CHST2: variants seen among roughly 807,000 people sequenced by gnomAD.
The protein encoded by CHST2 is carbohydrate sulfotransferase 2, also known as N-acetylglucosamine 6-O-sulfotransferase 1.
In CHST2, 23 loss-of-function variants were observed where a neutral mutation model predicts 34.6. The observed-to-expected ratio is 0.67, with a 90% CI of 0.48 to 0.94. The LOEUF is 0.94. Ranked by LOEUF, CHST2 falls within the 40% of genes least tolerant of loss-of-function variation. CHST2 has a pLI of 0.00. For synonymous variants in CHST2, 392 were observed against 343.1 expected (o/e 1.14, Z -1.58); for missense variants, 720 against 759.5 (o/e 0.95, Z 0.61).
chr3:143,121,644 C>T lies in CHST2; in HGVS notation c.828C>T (p.Asp276=), dbSNP rs773670469. The change falls in exon 2 of 2, where the codon GAC becomes GAT. Residue 276 remains aspartate, a synonymous_variant. Coordinates refer to ENST00000309575, the MANE Select transcript of CHST2 (RefSeq NM_004267.5). ...AYRKEVVGLV[D]DRVCKKCPPQ... ...GCAAGGAGGTCGTGGGGTTGGTGGACGACCGCGTGTGCAAGAAGTGCCCGC... is the reference window on the plus strand; with the variant it reads ...GCAAGGAGGTCGTGGGGTTGGTGGATGACCGCGTGTGCAAGAAGTGCCCGC... 1 of 1,570,432 alleles carries T rather than the reference C, an allele frequency of 6.4e-7. No homozygotes were observed. The highest frequency in any genetic ancestry group is 2.3e-5 in the East Asian group (1 of 43,814).
rs4149494 is a variant in CHST2, at chr3:143,120,704, C to T, written c.-113C>T. ...CTTGGGCGCTGGGGACCAGCCGCCG[C>T]GCCCGCCTCGGAGTCGCGGCCCGAG... is the stretch of plus-strand genomic sequence containing the variant. On this transcript the variant is annotated 5_prime_UTR_variant, in exon 2 of 2. Transcript: ENST00000309575. This position sits in a 1 kb window ranked among gnomAD's most constrained non-coding sequence, Gnocchi z 4.1. The T allele has an allele frequency of 0.25, 258,810 of 1,036,450 alleles. 32,947 individuals are homozygous for T. Among genetic ancestry groups the T allele is most frequent in the East Asian group, 0.35 (8,483 of 23,934 alleles). The allele number at this position is 1,036,450 out of a possible 1,614,324, so 64.2% of individuals were successfully genotyped here.
In CHST2 at chr3:143,119,851, CGCG is replaced by C. The variant is rs959103035; in HGVS notation, c.-852_-850del. On this transcript the variant is annotated 5_prime_UTR_variant, in exon 1 of 2. Coordinates refer to ENST00000309575, the MANE Select transcript of CHST2 (RefSeq NM_004267.5). ...AGCATCCTCCTGGGCGCCGCTTTCG[CGCG>C]GCGGCGGCGGCTGCGGCGGGGTCTT... 1.7e-4 allele frequency: 25 copies of C among 146,602 alleles called. No homozygotes were observed. The highest frequency in any genetic ancestry group is 6.5e-4 in the South Asian group (3 of 4,582). The allele number at this position is 146,602 out of a possible 1,614,324, so 9.1% of individuals were successfully genotyped here.
rs1199044509 is a variant in CHST2, at chr3:143,121,094, G to C, written c.278G>C (p.Gly93Ala). ...LQQCNPDGPL[G>A]AAAGAAGGSW... ...CAGTGCAACCCCGATGGGCCGCTGGGTGCCGCAGCGGGGGCAGCCGGAGGC... is the reference window on the plus strand; with the variant it reads ...CAGTGCAACCCCGATGGGCCGCTGGCTGCCGCAGCGGGGGCAGCCGGAGGC... The change falls in exon 2 of 2, where the codon GGT becomes GCT. Residue 93 changes from glycine to alanine, a missense_variant. By Grantham distance (60) the Gly-to-Ala change is moderately conservative. Coordinates refer to ENST00000309575, the MANE Select transcript of CHST2 (RefSeq NM_004267.5). 1.3e-6 allele frequency: 2 copies of C among 1,500,126 alleles called. No individual in the cohort carries two copies. The highest frequency in any genetic ancestry group is 2.3e-5 in the Admixed American group (1 of 43,688). The allele number at this position is 1,500,126 out of a possible 1,614,324, so 92.9% of individuals were successfully genotyped here.
rs1280595627 is a variant in CHST2, at chr3:143,120,568, A to T, written c.-174+27A>T. The T allele has an allele frequency of 3.9e-6, 1 of 254,980 alleles. No homozygotes were observed. Among genetic ancestry groups the T allele is most frequent in the East Asian group, 7.7e-5 (1 of 13,018 alleles). The allele number at this position is 254,980 out of a possible 1,614,324, so 15.8% of individuals were successfully genotyped here. A position where few individuals can be genotyped will look rare whatever the true frequency, so the allele number is the denominator to read the frequency against. Reference sequence around the variant, plus strand: ...TGAGCGGAGGAACCGGGCAGAACCGAGGGTGGGCGTTACTTAGGAGGAGGA... The same window carrying T: ...TGAGCGGAGGAACCGGGCAGAACCGTGGGTGGGCGTTACTTAGGAGGAGGA... On this transcript the variant is annotated intron_variant, in intron 1 of 1. Coordinates refer to ENST00000309575, the MANE Select transcript of CHST2 (RefSeq NM_004267.5). The surrounding 1 kb of genome is among the most constrained non-coding windows in gnomAD (Gnocchi z 4.1).
In CHST2 at chr3:143,122,092, G is replaced by A. The variant is rs915507408; in HGVS notation, c.1276G>A (p.Glu426Lys). The change falls in exon 2 of 2, where the codon GAG (glutamate) becomes AAG (lysine). Residue 426 changes from glutamate to lysine, a missense_variant. Glu to Lys is a moderately conservative substitution (Grantham distance 56, BLOSUM62 1). Around this residue, in one of 4 missense-constraint regions of CHST2, gnomAD observed 224 missense variants for 227.8 expected, o/e 0.98. Transcript: ENST00000309575. ...LQGHYLVVRYEDLVGDPVKTL... is the reference protein window; with the variant it reads ...LQGHYLVVRYKDLVGDPVKTL... ...GGGCCACTACCTGGTGGTGCGGTAC[G>A]AGGACCTGGTGGGAGACCCCGTCAA... The A allele has an allele frequency of 6.2e-7, 1 of 1,614,160 alleles. No homozygotes were observed. Among genetic ancestry groups the A allele is most frequent in the Non-Finnish European group, 8.5e-7 (1 of 1,180,016 alleles).
At position 143,120,558 on chromosome 3, in the gene CHST2, G is replaced by A; in HGVS notation, c.-174+17G>A. 1 of 246,002 alleles carries A rather than the reference G, an allele frequency of 4.1e-6. No individual in the cohort carries two copies. Among genetic ancestry groups the A allele is most frequent in the Non-Finnish European group, 7.6e-6 (1 of 131,304 alleles). The allele number at this position is 246,002 out of a possible 1,614,324, so 15.2% of individuals were successfully genotyped here. On this transcript the variant is annotated intron_variant, in intron 1 of 1. Coordinates refer to ENST00000309575, the MANE Select transcript of CHST2 (RefSeq NM_004267.5). The surrounding 1 kb of genome is among the most constrained non-coding windows in gnomAD (Gnocchi z 4.1). ...CGGCTCCAGGTGAGCGGAGGAACCG[G>A]GCAGAACCGAGGGTGGGCGTTACTT...
chr3:143,121,383 G>A lies in CHST2; in HGVS notation c.567G>A (p.Glu189=), dbSNP rs896691900. 1.2e-6 allele frequency: 2 copies of A among 1,613,764 alleles called. No individual in the cohort carries two copies. The highest frequency in any genetic ancestry group is 1.7e-6 in the Non-Finnish European group (2 of 1,180,016). ...GCGAGCTATTCAACCAGAATCCCGA[G>A]GTGTTCTTTCTCTACGAGCCAGTGT... is the stretch of plus-strand genomic sequence containing the variant. ...FFGELFNQNP[E]VFFLYEPVWH... The change falls in exon 2 of 2, where the codon GAG becomes GAA. Residue 189 remains glutamate (E), a synonymous_variant. Transcript: ENST00000309575.
Position 143,123,475 on chromosome 3 carries a change from G to A in CHST2, c.*1066G>A, listed in dbSNP as rs567635845. Reference sequence around the variant, plus strand: ...TACTGCTGGCGATGGTAGCAGCTTCGTTGGTTTAGCAAAGTGACAGAAGTA... The same window carrying A: ...TACTGCTGGCGATGGTAGCAGCTTCATTGGTTTAGCAAAGTGACAGAAGTA... On this transcript the variant is annotated 3_prime_UTR_variant, in exon 2 of 2. Coordinates refer to ENST00000309575, the MANE Select transcript of CHST2 (RefSeq NM_004267.5). 1.6e-4 allele frequency: 24 copies of A among 152,348 alleles called. No individual in the cohort carries two copies. The highest frequency in any genetic ancestry group is 5.8e-4 in the African/African-American group (24 of 41,590). The allele number at this position is 152,348 out of a possible 1,614,324, so 9.4% of individuals were successfully genotyped here.
rs546741616 is a variant in CHST2 at position 143,121,945 on chromosome 3, G to A, written c.1129G>A (p.Gly377Ser). The change falls in exon 2 of 2, where the codon GGC becomes AGC. Residue 377 changes from glycine to serine, a missense_variant. Gly to Ser is a moderately conservative substitution (Grantham distance 56, BLOSUM62 0). Coordinates refer to ENST00000309575, the MANE Select transcript of CHST2 (RefSeq NM_004267.5). ...CTTGGAGGCCGCGGGCCACAAGCTT[G>A]GCGCCAAGAAGGAGGGCGTGGGCGG... ...PFLEAAGHKL[G>S]AKKEGVGGPA... 16 of 1,580,674 alleles carry A rather than the reference G, an allele frequency of 1.0e-5. No homozygotes were observed. The African/African-American group carries it at 1.8e-4, about 17-fold the overall frequency.
rs1316323524 is a variant in CHST2, at chr3:143,120,942, C to T, written c.126C>T (p.Pro42=). Residue 42 remains proline (P), a synonymous_variant, in exon 2 of 2, where the codon CCC becomes CCT. Coordinates refer to ENST00000309575, the MANE Select transcript of CHST2 (RefSeq NM_004267.5). The surrounding 1 kb of genome is among the most constrained non-coding windows in gnomAD (Gnocchi z 4.1). Reference sequence around the variant, plus strand: ...CCCGGCGCCCAGGACGCCGCTGGCCCGCGTCCCCTCTCGGAATGAAGGTGT... The same window carrying T: ...CCCGGCGCCCAGGACGCCGCTGGCCTGCGTCCCCTCTCGGAATGAAGGTGT... ...QWPRRPGRRW[P]ASPLGMKVFR... The T allele has an allele frequency of 1.3e-6, 2 of 1,532,126 alleles. No homozygotes were observed. The highest frequency in any genetic ancestry group is 1.2e-5 in the South Asian group (1 of 81,716). 94.9% of individuals were successfully genotyped at this position (1,532,126 alleles called of 1,614,324 possible).
In CHST2 at chr3:143,122,189, T is replaced by G; in HGVS notation, c.1373T>G (p.Met458Arg). 1 of 1,614,176 alleles carries G rather than the reference T, an allele frequency of 6.2e-7. No homozygotes were observed. The highest frequency in any genetic ancestry group is 8.5e-7 in the Non-Finnish European group (1 of 1,180,010). Residue 458 changes from methionine to arginine, a missense_variant, in exon 2 of 2, where the codon ATG (methionine) becomes AGG (arginine). This residue lies in a region of CHST2 where 224 missense variants were observed against 227.8 expected (regional missense o/e 0.98). Transcript: ENST00000309575. The part of the protein sequence containing the change: ...SPEMEQFALN[M>R]TSGSGSSSKP... ...GAAATGGAGCAGTTTGCCCTGAACA[T>G]GACCAGTGGCTCGGGCTCCTCCTCC... is the stretch of plus-strand genomic sequence containing the variant.
rs1335975907 is a variant in CHST2 at position 143,121,659 on chromosome 3, G to A, written c.843G>A (p.Lys281=). Residue 281 remains lysine, a synonymous_variant, in exon 2 of 2, where the codon AAG becomes AAA. Coordinates refer to ENST00000309575, the MANE Select transcript of CHST2 (RefSeq NM_004267.5). The stretch of plus-strand genomic sequence containing the variant: ...GGTTGGTGGACGACCGCGTGTGCAA[G>A]AAGTGCCCGCCACAGCGCCTGGCGC... ...VVGLVDDRVC[K]KCPPQRLARF... is the part of the protein sequence containing the mutation. 2 of 1,567,828 alleles carry A rather than the reference G, an allele frequency of 1.3e-6. No homozygotes were observed. Among genetic ancestry groups the A allele is most frequent in the Admixed American group, 1.8e-5 (1 of 55,384 alleles).
Position 143,121,340 on chromosome 3 carries a change from C to G in CHST2, c.524C>G (p.Ser175Cys). 6.2e-7 allele frequency: 1 copy of G among 1,613,596 alleles called. No individual in the cohort carries two copies. The highest frequency in any genetic ancestry group is 8.5e-7 in the Non-Finnish European group (1 of 1,180,018). ...QLVYVFTTWRSGSSFFGELFN... is the reference protein window; with the variant it reads ...QLVYVFTTWRCGSSFFGELFN... ...GTGTACGTGTTCACCACGTGGCGCT[C>G]TGGCTCGTCGTTCTTCGGCGAGCTA... The change falls in exon 2 of 2, where the codon TCT (serine) becomes TGT (cysteine). Residue 175 changes from serine (S) to cysteine (C), a missense_variant. By Grantham distance (112) the Ser-to-Cys change is moderately radical (BLOSUM62 -1). Transcript: ENST00000309575.
chr3:143,120,853 G>C lies in CHST2; in HGVS notation c.37G>C (p.Ala13Pro). The change falls in exon 2 of 2, where the codon GCG becomes CCG. Residue 13 changes from alanine to proline, a missense_variant. Around this residue, in one of 4 missense-constraint regions of CHST2, gnomAD observed 287 missense variants for 242.7 expected, o/e 1.18. Transcript: ENST00000309575. This position sits in a 1 kb window ranked among gnomAD's most constrained non-coding sequence, Gnocchi z 4.1. ...CCCGCAGCGAGCTCTGCCCCCGGGC[G>C]CGCTCCCTCGGCTGCTCCAGGCTGC... is the stretch of plus-strand genomic sequence containing the variant. ...RSPQRALPPG[A>P]LPRLLQAAPA... is the part of the protein sequence containing the mutation. 2 of 1,344,924 alleles carry C rather than the reference G, an allele frequency of 1.5e-6. No homozygotes were observed. The highest frequency in any genetic ancestry group is 1.9e-6 in the Non-Finnish European group (2 of 1,056,342). The allele number at this position is 1,344,924 out of a possible 1,614,324, so 83.3% of individuals were successfully genotyped here.
Position 143,121,890 on chromosome 3 carries a change from C to T in CHST2, c.1074C>T (p.Ser358=), listed in dbSNP as rs1003725102. The change falls in exon 2 of 2, where the codon AGC becomes AGT. Residue 358 remains serine, a synonymous_variant. Transcript: ENST00000309575. ...LIRESLQVVR[S]RDPRAHRMPF... is the part of the protein sequence containing the mutation. ...GTGAGAGCCTACAGGTGGTGCGCAG[C>T]CGAGACCCGCGAGCTCACCGCATGC... is the stretch of plus-strand genomic sequence containing the variant. 2.5e-6 allele frequency: 4 copies of T among 1,576,664 alleles called. No individual in the cohort carries two copies. The East Asian group carries it at 6.8e-5, about 27-fold the overall frequency.
Position 143,120,887 on chromosome 3 carries a change from C to T in CHST2, c.71C>T (p.Ala24Val), listed in dbSNP as rs945019335. ...CGGCTGCTCCAGGCTGCGCCTGCAG[C>T]CGCGCCGCGTGCCCTGCTCCCGCAG... ...LPRLLQAAPA[A>V]APRALLPQWP... The change falls in exon 2 of 2, where the codon GCC becomes GTC. Residue 24 changes from alanine (A) to valine (V), a missense_variant. This residue lies in a region of CHST2 where 287 missense variants were observed against 242.7 expected (regional missense o/e 1.18). Transcript: ENST00000309575. This position sits in a 1 kb window ranked among gnomAD's most constrained non-coding sequence, Gnocchi z 4.1. 1.0e-5 allele frequency: 15 copies of T among 1,464,812 alleles called. No homozygotes were observed. The highest frequency in any genetic ancestry group is 7.4e-5 in the African/African-American group (5 of 67,388). The allele number at this position is 1,464,812 out of a possible 1,614,324, so 90.7% of individuals were successfully genotyped here.
rs1205630992 is a variant in CHST2, at chr3:143,122,642, G to A, written c.*233G>A. ...CAAGACTTGAACGTTCTGACCAGGT[G>A]CCCCTCTTCTTCTTTGCCTTCTCTT... On this transcript the variant is annotated 3_prime_UTR_variant, in exon 2 of 2. Transcript: ENST00000309575. 2 of 410,312 alleles carry A rather than the reference G, an allele frequency of 4.9e-6. No individual in the cohort carries two copies. Among genetic ancestry groups the A allele is most frequent in the Non-Finnish European group, 8.9e-6 (2 of 225,910 alleles). The allele number at this position is 410,312 out of a possible 1,614,324, so 25.4% of individuals were successfully genotyped here. A position where few individuals can be genotyped will look rare whatever the true frequency, so the allele number is the denominator to read the frequency against.
chr3:143,120,751 C>G lies in CHST2; in HGVS notation c.-66C>G. The G allele has an allele frequency of 8.4e-7, 1 of 1,191,806 alleles. No individual in the cohort carries two copies. Among genetic ancestry groups the G allele is most frequent in the Non-Finnish European group, 1.0e-6 (1 of 961,978 alleles). The allele number at this position is 1,191,806 out of a possible 1,614,324, so 73.8% of individuals were successfully genotyped here. ...CGAGTCCCGGCGCCAGCAGCCAGCC[C>G]GCTGCGTCCCCTTCCCGGGCTGCAG... On this transcript the variant is annotated 5_prime_UTR_variant, in exon 2 of 2. Transcript: ENST00000309575. The surrounding 1 kb of genome is among the most constrained non-coding windows in gnomAD (Gnocchi z 4.1).
rs779297674 is a variant in CHST2, at chr3:143,120,923, G to T, written c.107G>T (p.Arg36Leu). Residue 36 changes from arginine to leucine, a missense_variant, in exon 2 of 2, where the codon CGC becomes CTC. By Grantham distance (102) the Arg-to-Leu change is moderately radical. Transcript: ENST00000309575. This position sits in a 1 kb window ranked among gnomAD's most constrained non-coding sequence, Gnocchi z 4.1. ...PRALLPQWPR[R>L]PGRRWPASPL... is the part of the protein sequence containing the mutation. ...GCCCTGCTCCCGCAGTGGCCCCGGC[G>T]CCCAGGACGCCGCTGGCCCGCGTCC... is the stretch of plus-strand genomic sequence containing the variant. 1.3e-6 allele frequency: 2 copies of T among 1,516,708 alleles called. No individual in the cohort carries two copies. Among genetic ancestry groups the T allele is most frequent in the African/African-American group, 1.4e-5 (1 of 69,892 alleles). The allele number at this position is 1,516,708 out of a possible 1,614,324, so 94.0% of individuals were successfully genotyped here. A position where few individuals can be genotyped will look rare whatever the true frequency, so the allele number is the denominator to read the frequency against.
Sources: gnomAD v4.1 joint callset for allele counts on GRCh38, gnomAD v4.1.1 for gene constraint, gnomAD v4.1.1 regional missense constraint, Gnocchi (gnomAD v3.1) non-coding constraint, MANE v1.5 for transcripts, NCBI Gene and HGNC (gene_info 2026-07-23, HGNC 2026-07-21) for gene names.